ZFPM2: variants seen among roughly 807,000 people sequenced by gnomAD.
ZFPM2 encodes the protein zinc finger protein ZFPM2.
In ZFPM2, 20 loss-of-function variants were observed where a neutral mutation model predicts 98.6. The observed-to-expected ratio is 0.20, with a 90% CI of 0.14 to 0.29. The LOEUF is 0.29. Ranked by LOEUF, ZFPM2 falls within the 10% of genes least tolerant of loss-of-function variation. The pLI is 1.00. For synonymous variants in ZFPM2, 518 were observed against 502.7 expected (o/e 1.03, Z -0.41); for missense variants, 1,310 against 1,388.6 (o/e 0.94, Z 0.90).
At chr8:105,706,055 T>C (rs555784109) in intron 5 of ZFPM2, among the ~76,000 whole-genome samples, 1 of 152,264 alleles carries the variant, frequency 6.6e-6, no homozygotes, top group African/African-American at 2.4e-5. Context: ...CCCAGGCATG[T>C]GAGTGTATAT....
Position 105,429,870 on chromosome 8 carries a change from C to T in ZFPM2, c.199+10568C>T, listed in dbSNP as rs182692112. ...GCATATTGAAAAATTATGTAGTATG[C>T]ATCTTATTTTCACACTGTTAATTGT... On this transcript the variant is annotated intron_variant, in intron 2 of 7. Transcript: ENST00000407775. Among the ~76,000 whole-genome samples the T allele has an allele frequency of 1.6e-3, 243 of 152,168 alleles. 2 individuals are homozygous for T. The highest frequency in any genetic ancestry group is 9.0e-4 in the Non-Finnish European group (61 of 68,016).
At chr8:105,560,651 G>C (rs191175578) in intron 3 of ZFPM2, among the ~76,000 whole-genome samples, 1 of 149,126 alleles carries the variant, frequency 6.7e-6, no homozygotes, top group Admixed American at 6.8e-5. Flanking sequence ...TCTTAAGCAA[G>C]CATTTAATGA....
intron 3 of ZFPM2, among the ~76,000 whole-genome samples, chr8:105,499,490 G>A (rs1813544361): frequency 6.6e-6 from 1 of 152,192 alleles, no homozygotes; most frequent in African/African-American, 2.4e-5. Context: ...CTCATAGTCA[G>A]AGGAATTTCA....
intron 6 of ZFPM2, among the ~76,000 whole-genome samples, chr8:105,793,971 C>A (rs985948025): frequency 2.0e-5 from 3 of 152,130 alleles, no homozygotes; most frequent in Non-Finnish European, 4.4e-5. Context: ...TCTAGTTATA[C>A]ATTCGTCTAA....
intron 3 of ZFPM2, among the ~76,000 whole-genome samples, chr8:105,504,404 T>C (rs904285607): frequency 4.6e-5 from 7 of 152,180 alleles, no homozygotes; most frequent in African/African-American, 1.4e-4. Flanking sequence ...GGGAACTTCC[T>C]AGTGATGTGT....
At chr8:105,746,069 C>G (rs1430603814) in intron 5 of ZFPM2, among the ~76,000 whole-genome samples, 1 of 151,914 alleles carries the variant, frequency 6.6e-6, no homozygotes, top group Non-Finnish European at 1.5e-5. Context: ...ACCACTCCTG[C>G]CCAACAATGC....
At chr8:105,748,792 G>A (rs1739290263) in intron 5 of ZFPM2, among the ~76,000 whole-genome samples, 1 of 151,842 alleles carries the variant, frequency 6.6e-6, no homozygotes, top group South Asian at 2.1e-4. Context: ...CACTCAAATG[G>A]ATATAATATG....
chr8:105,479,263 C>G (rs1489002709), intron 3 of ZFPM2, among the ~76,000 whole-genome samples: 1 of 152,158 alleles, frequency 6.6e-6, no homozygotes, highest in African/African-American at 2.4e-5. Context: ...GAAGGTGTTT[C>G]ATTTTATTTC....
intron 5 of ZFPM2, chr8:105,782,437 TC>T (rs1288405637): frequency 6.6e-6 from 1 of 152,242 alleles, no homozygotes; most frequent in East Asian, 1.9e-4. Context: ...AAATAAATTT[TC>T]TGTGATTTCA....
chr8:105,463,615 A>T (rs1812742943), intron 3 of ZFPM2, among the ~76,000 whole-genome samples: 2 of 152,074 alleles, frequency 1.3e-5, no homozygotes, highest in South Asian at 4.1e-4. Flanking sequence ...ATAAATAGCT[A>T]ACTGCAAAAT....
chr8:105,361,619 A>G (rs1227219877), intron 1 of ZFPM2, among the ~76,000 whole-genome samples: 4 of 152,160 alleles, frequency 2.6e-5, no homozygotes, highest in Admixed American at 6.6e-5. Flanking sequence ...AAATAATACT[A>G]TCTAGTGTTA....
chr8:105,646,656 A>G (rs1817054048), intron 5 of ZFPM2, among the ~76,000 whole-genome samples: 1 of 152,128 alleles, frequency 6.6e-6, no homozygotes, highest in Non-Finnish European at 1.5e-5. Flanking sequence ...CAATCCATTC[A>G]TGGTAATGAG....
chr8:105,796,261 T>G (rs115970900), intron 6 of ZFPM2, among the ~76,000 whole-genome samples: 1 of 121,950 alleles, frequency 8.2e-6, no homozygotes, highest in African/African-American at 4.2e-5. Context: ...CAAAGAAAGA[T>G]TCTAGGAGTA....
intron 3 of ZFPM2, among the ~76,000 whole-genome samples, chr8:105,557,939 A>G (rs577378550): frequency 7.2e-5 from 11 of 152,248 alleles, no homozygotes; most frequent in African/African-American, 2.4e-4. Context: ...ATGGACTGTC[A>G]GTGTTGAAAA....
intron 4 of ZFPM2, among the ~76,000 whole-genome samples, chr8:105,598,623 C>T (rs751733050): frequency 4.6e-5 from 7 of 152,124 alleles, no homozygotes; most frequent in East Asian, 1.9e-4. Flanking sequence ...CCTCACTTCA[C>T]GCTTTCTCAC....
intron 1 of ZFPM2, among the ~76,000 whole-genome samples, chr8:105,358,215 T>C (rs1430432743): frequency 1.3e-5 from 2 of 151,872 alleles, no homozygotes; most frequent in African/African-American, 4.8e-5. Context: ...ATTTATAGGG[T>C]TGGTTTCAGT....
chr8:105,427,987 T>C (rs1252543675), intron 2 of ZFPM2, among the ~76,000 whole-genome samples: 1 of 152,174 alleles, frequency 6.6e-6, no homozygotes, highest in African/African-American at 2.4e-5. Flanking sequence ...GTAGATGCTG[T>C]TTTTGCCTGT....
chr8:105,542,480 A>G (rs1814598650), intron 3 of ZFPM2, among the ~76,000 whole-genome samples: 1 of 152,314 alleles, frequency 6.6e-6, no homozygotes, highest in South Asian at 2.1e-4. Context: ...TTGAATAATG[A>G]AAGTTTGAAC....
chr8:105,452,092 A>T (rs1563665740), intron 3 of ZFPM2, among the ~76,000 whole-genome samples: 1 of 152,160 alleles, frequency 6.6e-6, no homozygotes. Context: ...TACATCCTCC[A>T]TTCTAATGAA....
Sources: gnomAD v4.1 joint callset for allele counts (sites outside exome capture counted in the v4.1 genomes callset) on GRCh38, gnomAD v4.1.1 for gene constraint, MANE v1.5 for transcripts, NCBI Gene and HGNC (gene_info 2026-07-23, HGNC 2026-07-21) for gene names.